The following WDR11 variants were observed in gnomAD, a reference collection of about 807,000 sequenced individuals.
WDR11 encodes WD repeat-containing protein 11.
In WDR11, 83 loss-of-function variants were observed where a neutral mutation model predicts 151.2. The ratio of observed to expected loss-of-function variants is 0.55; its 90% CI spans 0.46 to 0.66. The LOEUF (loss-of-function observed/expected upper bound fraction) is 0.66. Among genes scored for constraint, WDR11 ranks in the 30% least tolerant of loss-of-function variants. WDR11 has a pLI of 0.00. For missense variants in WDR11, 1,301 were observed against 1,480.9 expected, an observed-to-expected ratio of 0.88 and a Z score of 1.99; for synonymous variants, 484 against 533.1, an observed-to-expected ratio of 0.91 and a Z score of 1.27.
chr10:120,854,095 G>A (rs1373230129), intron 2 of WDR11, among the ~76,000 whole-genome samples: 3 of 152,212 alleles, frequency 2.0e-5, no homozygotes, highest in African/African-American at 4.8e-5. Context: ...GTGGCTTTTA[G>A]TATATCCACA....
chr10:120,871,445 T>A, intron 10 of WDR11, 99 bp downstream of exon 10: 1 of 1,264,858 alleles, frequency 7.9e-7, no homozygotes, highest in Non-Finnish European at 1.1e-6. Flanking sequence ...GAGGATGCTT[T>A]AAAAGGAGAT....
At position 120,860,167 on chromosome 10, in the gene WDR11, G is replaced by A. The variant is rs374824479; in HGVS notation, c.411G>A (p.Pro137=). 330 of 1,613,932 alleles carry A rather than the reference G, an allele frequency of 2.0e-4. No individual in the cohort carries two copies. Among genetic ancestry groups the A allele is most frequent in the Non-Finnish European group, 2.6e-4 (304 of 1,180,020 alleles). The part of the protein sequence containing the change: ...ASRDLLLAIH[P]PNYIVLWNAD... ...GCGATTTACTGCTTGCTATCCACCC[G>A]CCAAATTACATTGTGCTCTGGAATG... Residue 137 remains proline, a synonymous_variant, in exon 4 of 29, where the codon CCG becomes CCA. Coordinates refer to ENST00000263461, the MANE Select transcript of WDR11 (RefSeq NM_018117.12).
chr10:120,901,201 T>A, intron 21 of WDR11, 103 bp downstream of exon 21: 1 of 1,022,552 alleles, frequency 9.8e-7, no homozygotes, highest in East Asian at 2.5e-5. Flanking sequence ...TTTTAGAAAA[T>A]ATTAGTGGCC....
chr10:120,866,336 A>G (rs996080151), intron 7 of WDR11, among the ~76,000 whole-genome samples: 4 of 149,872 alleles, frequency 2.7e-5, no homozygotes, highest in Non-Finnish European at 6.0e-5. Flanking sequence ...TAAAATATTG[A>G]AAAAAGATAT....
chr10:120,882,583 T>C (rs912050151), intron 13 of WDR11, among the ~76,000 whole-genome samples: 1 of 151,652 alleles, frequency 6.6e-6, no homozygotes, highest in Non-Finnish European at 1.5e-5. Flanking sequence ...TTAGATTCTC[T>C]TTTTTTGAGC....
In WDR11 at chr10:120,875,467, G is replaced by A. The variant is rs1463330425; in HGVS notation, c.1556+1544G>A. 2.0e-5 allele frequency among the ~76,000 whole-genome samples: 3 copies of A among 152,158 alleles called. No individual in the cohort carries two copies. In the East Asian group the frequency reaches 5.8e-4, roughly 29 times the overall value. ...TATTTTCCTTTTGTGTCCTATCAGT[G>A]ATAGATCGTAGAGTTACATATATAA... On this transcript the variant is annotated intron_variant, in intron 11 of 28. Coordinates refer to ENST00000263461, the MANE Select transcript of WDR11 (RefSeq NM_018117.12).
At chr10:120,866,053 TTTA>T (rs919893901) in intron 7 of WDR11, among the ~76,000 whole-genome samples, 10 of 152,098 alleles carry the variant, frequency 6.6e-5, no homozygotes, top group African/African-American at 2.4e-4. Context: ...CTTGTGTGCC[TTTA>T]TTATTATACC....
intron 1 of WDR11, 65 bp from the exon 2 acceptor site, chr10:120,852,459 C>T: frequency 5.9e-6 from 8 of 1,364,544 alleles, no homozygotes; most frequent in Non-Finnish European, 8.3e-6. Flanking sequence ...TTTATTTAGG[C>T]TTGGCAAGAA....
Position 120,883,817 on chromosome 10 carries a change from G to A in WDR11, c.1777G>A (p.Glu593Lys). The A allele has an allele frequency of 6.2e-7, 1 of 1,613,476 alleles. No homozygotes were observed. Among genetic ancestry groups the A allele is most frequent in the Non-Finnish European group, 8.5e-7 (1 of 1,179,630 alleles). ...LAVVFRDKPL[E>K]LWDVRTCTLL... Reference sequence around the variant, plus strand: ...AGTCGTATTCAGAGATAAACCCCTGGAGCTATGGGATGTTAGGACTTGTAC... The same window carrying A: ...AGTCGTATTCAGAGATAAACCCCTGAAGCTATGGGATGTTAGGACTTGTAC... The change falls in exon 14 of 29, where the codon GAG becomes AAG. Residue 593 changes from glutamate (E) to lysine (K), a missense_variant. Physicochemically the swap from Glu to Lys is moderately conservative, Grantham distance 56 (BLOSUM62 1). Transcript: ENST00000263461.
chr10:120,904,716 A>C lies in WDR11; in HGVS notation c.3098A>C (p.Lys1033Thr). The stretch of plus-strand genomic sequence containing the variant: ...CAGCATTATTACTGTGATTCACTGA[A>C]AGCCTGTTTAGTCACTACTGTCACC... ...DNQHYYCDSLKACLVTTVTSS... is the reference protein window; with the variant it reads ...DNQHYYCDSLTACLVTTVTSS... The change falls in exon 25 of 29, where the codon AAA becomes ACA. Residue 1033 changes from lysine to threonine, a missense_variant. Lys to Thr is a moderately conservative substitution (Grantham distance 78). Transcript: ENST00000263461. 1.2e-6 allele frequency: 2 copies of C among 1,614,200 alleles called. No individual in the cohort carries two copies. The highest frequency in any genetic ancestry group is 1.7e-6 in the Non-Finnish European group (2 of 1,180,026).
At chr10:120,890,610 C>A in intron 18 of WDR11, 106 bp from the exon 19 acceptor site, 1 of 1,376,420 alleles carries the variant, frequency 7.3e-7, no homozygotes, top group Non-Finnish European at 1.0e-6. Context: ...CAGTTCTAAA[C>A]TTGAACTGGG....
intron 19 of WDR11, among the ~76,000 whole-genome samples, chr10:120,892,239 A>G (rs1328978839): frequency 6.6e-6 from 1 of 152,222 alleles, no homozygotes; most frequent in Admixed American, 6.5e-5. Context: ...TCAATACCAT[A>G]CTTGAACATC....
At position 120,889,964 on chromosome 10, in the gene WDR11, A is replaced by T. The variant is rs755401764; in HGVS notation, c.2298A>T (p.Leu766Phe). ...CTCCTGGTAAAGGAAATCAAAAATT[A>T]ATAGCAATGTACAATGATGGAGCTG... Reference protein sequence around the residue: ...RFAPGKGNQKLIAMYNDGAEV... With the variant: ...RFAPGKGNQKFIAMYNDGAEV... Residue 766 changes from leucine to phenylalanine, a missense_variant, in exon 18 of 29, where the codon TTA becomes TTT. Physicochemically the swap from Leu to Phe is conservative, Grantham distance 22. Around this residue, in one of 3 missense-constraint regions of WDR11, gnomAD observed 589 missense variants for 670.6 expected, o/e 0.88. Coordinates refer to ENST00000263461, the MANE Select transcript of WDR11 (RefSeq NM_018117.12). 1.9e-6 allele frequency: 3 copies of T among 1,614,128 alleles called. No individual in the cohort carries two copies. The highest frequency in any genetic ancestry group is 2.5e-6 in the Non-Finnish European group (3 of 1,179,964).
At chr10:120,889,394 C>G (rs758077805) in intron 17 of WDR11, 2 of 507,834 alleles carry the variant, frequency 3.9e-6, no homozygotes, top group Non-Finnish European at 7.1e-6. Context: ...CCCACCACCA[C>G]GCCCGGCTAA....
At chr10:120,883,029 A>G (rs1847078008) in intron 13 of WDR11, among the ~76,000 whole-genome samples, 1 of 152,138 alleles carries the variant, frequency 6.6e-6, no homozygotes, top group Non-Finnish European at 1.5e-5. Context: ...TTCACATTAT[A>G]ATCTTTAAAA....
intron 2 of WDR11, among the ~76,000 whole-genome samples, chr10:120,857,724 A>T (rs573926886): frequency 1.2e-4 from 18 of 152,172 alleles, no homozygotes; most frequent in Non-Finnish European, 2.6e-4. Flanking sequence ...ATCTGTACAC[A>T]TATATAGGTA....
chr10:120,852,669 G>A (rs1845821522), intron 2 of WDR11, 34 bp downstream of exon 2: 1 of 1,564,696 alleles, frequency 6.4e-7, no homozygotes, highest in Non-Finnish European at 8.8e-7. Context: ...CTAACATGTT[G>A]TCTAGTCTAA....
In WDR11 at chr10:120,880,859, A is replaced by T; in HGVS notation, c.1697A>T (p.Asn566Ile). 1 of 1,605,790 alleles carries T rather than the reference A, an allele frequency of 6.2e-7. No individual in the cohort carries two copies. Among genetic ancestry groups the T allele is most frequent in the Non-Finnish European group, 8.5e-7 (1 of 1,174,722 alleles). The change falls in exon 13 of 29, where the codon AAT (asparagine) becomes ATT (isoleucine). Residue 566 changes from asparagine (N) to isoleucine (I), a missense_variant. Coordinates refer to ENST00000263461, the MANE Select transcript of WDR11 (RefSeq NM_018117.12). ...ATTGCTTTTCGTGGTGAAAGAGGCA[A>T]TGATGAATCTGCCATCGAAATGATT... ...RSIAFRGERG[N>I]DESAIEMIKV...
At chr10:120,889,819 A>T in intron 17 of WDR11, 76 bp from the exon 18 acceptor site, 1 of 973,850 alleles carries the variant, frequency 1.0e-6, no homozygotes, top group Non-Finnish European at 1.6e-6. Context: ...GGAAATAGTG[A>T]GAGATGTTAG....
Sources: allele counts gnomAD v4.1 joint callset (sites outside exome capture counted in the v4.1 genomes callset), GRCh38; gene constraint gnomAD v4.1.1; regional missense constraint gnomAD v4.1.1; transcripts MANE v1.5; gene names NCBI Gene and HGNC (gene_info 2026-07-23, HGNC 2026-07-21).